Variants in STXBP6 observed in about 807,000 individuals in gnomAD.
STXBP6 encodes the protein syntaxin-binding protein 6.
Under a neutral mutation model 26.9 loss-of-function variants are expected in STXBP6, and 21 were observed. The observed-to-expected ratio is 0.78, with a 90% confidence interval of 0.55 to 1.12. The LOEUF (loss-of-function observed/expected upper bound fraction) is 1.12. STXBP6 is among the 50% of genes most tolerant of loss of function. The pLI is 0.00. For missense variants in STXBP6, 232 were observed against 257.9 expected, an observed-to-expected ratio of 0.90 and a Z score of 0.69; for synonymous variants, 97 against 92.6, an observed-to-expected ratio of 1.05 and a Z score of -0.27.
chr14:24,991,118 A>G (rs939345502), intron 1 of STXBP6, among the ~76,000 whole-genome samples: 2 of 150,014 alleles, frequency 1.3e-5, no homozygotes, highest in African/African-American at 4.9e-5. Flanking sequence ...AGAGAGGAGA[A>G]GGAGATGAGT....
At chr14:25,006,729 T>C (rs1461537180) in intron 1 of STXBP6, among the ~76,000 whole-genome samples, 2 of 152,184 alleles carry the variant, frequency 1.3e-5, no homozygotes, top group Non-Finnish European at 2.9e-5. Context: ...AGCAAAATGC[T>C]AAGTATTTCC....
At chr14:24,885,819 C>T (rs565351269) in intron 2 of STXBP6, among the ~76,000 whole-genome samples, 38 of 152,336 alleles carry the variant, frequency 2.5e-4, no homozygotes, top group African/African-American at 8.7e-4. Flanking sequence ...ATCCACGTGA[C>T]GTGATACTAC....
At chr14:25,008,194 T>C (rs1480678484) in intron 1 of STXBP6, among the ~76,000 whole-genome samples, 1 of 152,242 alleles carries the variant, frequency 6.6e-6, no homozygotes, top group African/African-American at 2.4e-5. Context: ...TTAAAAATTT[T>C]TTTTAAGTTT....
chr14:24,830,895 G>A (rs912477429), intron 4 of STXBP6, among the ~76,000 whole-genome samples: 1 of 152,154 alleles, frequency 6.6e-6, no homozygotes, highest in Non-Finnish European at 1.5e-5. Context: ...TGGCACAATG[G>A]AAGTTAAGTC....
At position 24,949,990 on chromosome 14, in the gene STXBP6, G is replaced by A. The variant is rs1392792211; in HGVS notation, c.154+24675C>T. ...TGTTATCTGACCATGTGGCAGCCCT[G>A]GAGTCACTCTGAACCCATTCTGGTT... On this transcript the variant is annotated intron_variant, in intron 2 of 5. Coordinates refer to ENST00000323944, the MANE Select transcript of STXBP6 (RefSeq NM_001394410.1). 3.3e-5 allele frequency among the ~76,000 whole-genome samples: 5 copies of A among 152,090 alleles called. No homozygotes were observed. The East Asian group carries it at 9.6e-4, about 29-fold the overall frequency.
rs1023195212 is a variant in STXBP6, at chr14:24,812,536, A to G, written c.*173T>C. On this transcript the variant is annotated 3_prime_UTR_variant, in exon 6 of 6. Coordinates refer to ENST00000323944, the MANE Select transcript of STXBP6 (RefSeq NM_001394410.1). ...ATTAGCAAGATCATTAGGGAAATGT[A>G]AAAATGCAACACCCTTTCTTTCACA... The G allele has an allele frequency of 9.5e-6, 6 of 634,398 alleles. No homozygotes were observed. Among genetic ancestry groups the G allele is most frequent in the Admixed American group, 5.8e-5 (2 of 34,360 alleles). 39.3% of individuals were successfully genotyped at this position (634,398 alleles called of 1,614,324 possible).
intron 1 of STXBP6, among the ~76,000 whole-genome samples, chr14:25,045,145 T>C (rs2075705542): frequency 6.6e-6 from 1 of 152,220 alleles, no homozygotes; most frequent in African/African-American, 2.4e-5. Flanking sequence ...GCTAACTCAG[T>C]AATGGAGTCC....
chr14:24,875,345 C>T (rs1490708205), intron 2 of STXBP6, among the ~76,000 whole-genome samples: 1 of 152,180 alleles, frequency 6.6e-6, no homozygotes, highest in Non-Finnish European at 1.5e-5. Flanking sequence ...AAACAGAATA[C>T]CACTTTATAG....
chr14:25,026,482 A>G (rs1027680615), intron 1 of STXBP6, among the ~76,000 whole-genome samples: 15 of 152,168 alleles, frequency 9.9e-5, no homozygotes, highest in African/African-American at 3.6e-4. Flanking sequence ...ATAATCAAAC[A>G]CGGTAATACT....
At chr14:24,904,672 C>T (rs747627380) in intron 2 of STXBP6, among the ~76,000 whole-genome samples, 11 of 152,008 alleles carry the variant, frequency 7.2e-5, no homozygotes, top group Non-Finnish European at 5.9e-5. Context: ...AGTGCATGAC[C>T]ACAGAGGAAA....
intron 5 of STXBP6, among the ~76,000 whole-genome samples, chr14:24,814,827 G>A (rs1594892914): frequency 1.3e-5 from 2 of 152,120 alleles, no homozygotes; most frequent in African/African-American, 2.4e-5. Flanking sequence ...ACCCCTCACC[G>A]CTTCCACCAT....
chr14:24,944,928 T>G (rs1245469704), intron 2 of STXBP6, among the ~76,000 whole-genome samples: 1 of 152,024 alleles, frequency 6.6e-6, no homozygotes, highest in Non-Finnish European at 1.5e-5. Context: ...CAATAAGATC[T>G]CAGAGATTCT....
intron 1 of STXBP6, among the ~76,000 whole-genome samples, chr14:24,995,282 T>C (rs910579779): frequency 7.2e-5 from 11 of 152,146 alleles, no homozygotes; most frequent in Non-Finnish European, 1.5e-4. Flanking sequence ...CGTGACCTAG[T>C]CACTTCCCAA....
At chr14:24,917,436 A>C (rs1035249903) in intron 2 of STXBP6, among the ~76,000 whole-genome samples, 23 of 152,118 alleles carry the variant, frequency 1.5e-4, no homozygotes, top group African/African-American at 5.3e-4. Flanking sequence ...CAGCTTTAGC[A>C]ACAACCTTCC....
chr14:24,941,333 T>C (rs2072795744), intron 2 of STXBP6, among the ~76,000 whole-genome samples: 1 of 151,946 alleles, frequency 6.6e-6, no homozygotes, highest in South Asian at 2.1e-4. Flanking sequence ...GAGGACACAA[T>C]GGGAGTGCAG....
chr14:24,902,778 G>T (rs2071258713), intron 2 of STXBP6, among the ~76,000 whole-genome samples: 1 of 152,080 alleles, frequency 6.6e-6, no homozygotes, highest in Non-Finnish European at 1.5e-5. Flanking sequence ...AGTGAAGGGG[G>T]TTGATGAGAT....
intron 2 of STXBP6, among the ~76,000 whole-genome samples, chr14:24,949,192 C>T (rs1475815138): frequency 2.0e-5 from 3 of 152,146 alleles, no homozygotes; most frequent in African/African-American, 7.2e-5. Flanking sequence ...CTTCATTACA[C>T]AATGCCAGTA....
intron 4 of STXBP6, among the ~76,000 whole-genome samples, chr14:24,844,511 T>C (rs2068885867): frequency 6.6e-6 from 1 of 152,136 alleles, no homozygotes; most frequent in Non-Finnish European, 1.5e-5. Flanking sequence ...GCACTAATTA[T>C]GGGTAGTTAG....
At chr14:24,889,919 A>G (rs1862096407) in intron 2 of STXBP6, among the ~76,000 whole-genome samples, 1 of 152,230 alleles carries the variant, frequency 6.6e-6, no homozygotes, top group East Asian at 1.9e-4. Flanking sequence ...CAACTCCCCA[A>G]CTGTACCAGA....
Sources: allele counts gnomAD v4.1 joint callset (sites outside exome capture counted in the v4.1 genomes callset), GRCh38; gene constraint gnomAD v4.1.1; transcripts MANE v1.5; gene names NCBI Gene and HGNC (gene_info 2026-07-23, HGNC 2026-07-21).